Variants in TEX14 observed in about 807,000 individuals in gnomAD.
TEX14 encodes inactive serine/threonine-protein kinase TEX14.
In TEX14, 168 loss-of-function variants were observed where a neutral mutation model predicts 178.6. That is an observed-to-expected ratio of 0.94 (90% confidence interval 0.83 to 1.07). TEX14 has a LOEUF of 1.07. Ranked by LOEUF, TEX14 falls within the 50% of genes least tolerant of loss-of-function variation. TEX14 has a pLI of 0.00. For synonymous variants in TEX14, 626 were observed against 634.1 expected (o/e 0.99, Z 0.19); for missense variants, 1,730 against 1,753.6 (o/e 0.99, Z 0.24).
intron 2 of TEX14, among the ~76,000 whole-genome samples, chr17:58,635,721 C>T (rs149839178): frequency 2.0e-5 from 3 of 151,916 alleles, no homozygotes; most frequent in East Asian, 3.9e-4. Flanking sequence ...TGAGCCACTG[C>T]GCCCAGCCCA....
chr17:58,636,823 G>C (rs528929273), intron 2 of TEX14, among the ~76,000 whole-genome samples: 15 of 152,210 alleles, frequency 9.9e-5, no homozygotes, highest in Admixed American at 2.0e-4. Flanking sequence ...TGAGGCAGGA[G>C]AATTTCTTGA....
chr17:58,627,563 G>A (rs1192769497), intron 3 of TEX14, among the ~76,000 whole-genome samples: 3 of 152,072 alleles, frequency 2.0e-5, no homozygotes, highest in Non-Finnish European at 4.4e-5. Flanking sequence ...CTGAGGTCAG[G>A]AGTTTGAGAT....
At chr17:58,662,413 T>TCACACACA (rs555187857) in intron 1 of TEX14, among the ~76,000 whole-genome samples, 87 of 127,674 alleles carry the variant, frequency 6.8e-4, no homozygotes, top group Non-Finnish European at 1.2e-3. Flanking sequence ...AGCACACATA[T>TCACACACA]CTCACACACA....
chr17:58,573,324 C>T lies in TEX14; in HGVS notation c.3384-16G>A, dbSNP rs751334888. On this transcript the variant is annotated splice_polypyrimidine_tract_variant and intron_variant, in intron 22 of 31. Transcript: ENST00000349033. ...CGTCAATGATCTAAAGAATTAAGAG[C>T]ACACAGTAATGATGAGAAGATGACT... is the stretch of plus-strand genomic sequence containing the variant. 4 of 1,611,502 alleles carry T rather than the reference C, an allele frequency of 2.5e-6. No individual in the cohort carries two copies. The highest frequency in any genetic ancestry group is 3.4e-6 in the Non-Finnish European group (4 of 1,178,072).
intron 1 of TEX14, among the ~76,000 whole-genome samples, chr17:58,689,927 G>A (rs866995286): frequency 2.7e-4 from 40 of 149,336 alleles, no homozygotes; most frequent in Middle Eastern, 3.4e-3. Context: ...TAGGCTCACT[G>A]CAAGCTCCGC....
At chr17:58,574,317 A>G (rs902158825) in intron 21 of TEX14, 68 bp from the exon 22 acceptor site, 7 of 1,234,018 alleles carry the variant, frequency 5.7e-6, no homozygotes, top group African/African-American at 3.0e-5. Context: ...ACTACTTGCT[A>G]CAAGGAACCA....
chr17:58,641,480 C>T (rs1159719899), intron 2 of TEX14, among the ~76,000 whole-genome samples: 1 of 110,394 alleles, frequency 9.1e-6, no homozygotes, highest in Non-Finnish European at 1.8e-5. Context: ...TTCTTTCTTT[C>T]TCTTTTATTT....
chr17:58,659,286 C>T (rs1012260615), intron 1 of TEX14: 129 of 950,926 alleles, frequency 1.4e-4, no homozygotes, highest in Non-Finnish European at 1.5e-4. Context: ...AACAGCGTCT[C>T]TCCCCCGCCA....
intron 9 of TEX14, among the ~76,000 whole-genome samples, chr17:58,611,712 G>C (rs8066492): frequency 0.011 from 1,716 of 152,330 alleles, 21 homozygotes; most frequent in Non-Finnish European, 0.017. Flanking sequence ...AGCTGCTGGG[G>C]AGAACCTGGA....
At chr17:58,608,927 C>A (rs1053978295) in intron 10 of TEX14, among the ~76,000 whole-genome samples, 1 of 152,202 alleles carries the variant, frequency 6.6e-6, no homozygotes, top group Non-Finnish European at 1.5e-5. Flanking sequence ...CTTAGGGAGG[C>A]TTCTGCTCCC....
intron 1 of TEX14, among the ~76,000 whole-genome samples, chr17:58,688,068 T>C (rs768229217): frequency 2.6e-5 from 4 of 152,160 alleles, no homozygotes; most frequent in Non-Finnish European, 4.4e-5. Context: ...TCAAAGAAAA[T>C]AAAATATATA....
At chr17:58,667,370 A>G (rs946430268) in intron 1 of TEX14, among the ~76,000 whole-genome samples, 5 of 152,292 alleles carry the variant, frequency 3.3e-5, no homozygotes, top group African/African-American at 1.2e-4. Flanking sequence ...AGTTTTTGTG[A>G]AGACTAAAAC....
chr17:58,565,104 G>T (rs2044370707), intron 27 of TEX14, 136 bp from the exon 28 acceptor site: 1 of 467,102 alleles, frequency 2.1e-6, no homozygotes, highest in Non-Finnish European at 3.8e-6. Flanking sequence ...CTCTTCCCAG[G>T]AGAGCAGGGG....
At chr17:58,568,329 G>C (rs997223198) in intron 26 of TEX14, among the ~76,000 whole-genome samples, 1 of 152,244 alleles carries the variant, frequency 6.6e-6, no homozygotes, top group Non-Finnish European at 1.5e-5. Flanking sequence ...AGGGACAGGA[G>C]CTAAGGGTTA....
rs753406207 is a variant in TEX14 at position 58,599,644 on chromosome 17, C to G, written c.1701G>C (p.Arg567Ser). ...TCCCCTCAGTGAATAAAGAGTGAAC[C>G]CTTGGTGAATGAGGTTGACTGCCTA... ...KEMGSQPHSPRVHSLFTEGTL... is the reference protein window; with the variant it reads ...KEMGSQPHSPSVHSLFTEGTL... Residue 567 changes from arginine (R) to serine (S), a missense_variant, in exon 14 of 32, where the codon AGG becomes AGC. By Grantham distance (110) the Arg-to-Ser change is moderately radical. This residue lies in a region of TEX14 where 941 missense variants were observed against 1,072.4 expected (regional missense o/e 0.88). Coordinates refer to ENST00000349033, the MANE Select transcript of TEX14 (RefSeq NM_031272.5). 4 of 1,611,586 alleles carry G rather than the reference C, an allele frequency of 2.5e-6. No homozygotes were observed. The highest frequency in any genetic ancestry group is 2.2e-5 in the East Asian group (1 of 44,836).
intron 13 of TEX14, among the ~76,000 whole-genome samples, chr17:58,600,795 A>G (rs369380728): frequency 6.6e-6 from 1 of 152,040 alleles, no homozygotes; most frequent in Non-Finnish European, 1.5e-5. Flanking sequence ...CTGGAATTGG[A>G]AGGCCTGGGT....
At chr17:58,635,431 T>C (rs1172854715) in intron 2 of TEX14, among the ~76,000 whole-genome samples, 1 of 147,688 alleles carries the variant, frequency 6.8e-6, no homozygotes, top group African/African-American at 2.5e-5. Context: ...CTTCTCTCTT[T>C]TTTTTTTTTT....
At chr17:58,669,092 C>G (rs2143450573) in intron 1 of TEX14, among the ~76,000 whole-genome samples, 1 of 152,268 alleles carries the variant, frequency 6.6e-6, no homozygotes, top group East Asian at 1.9e-4. Context: ...TGGCTCATGC[C>G]TATAATCCCA....
Position 58,572,078 on chromosome 17 carries a change from A to C in TEX14, c.3560T>G (p.Ile1187Ser). The C allele has an allele frequency of 6.2e-7, 1 of 1,614,144 alleles. No individual in the cohort carries two copies. Among genetic ancestry groups the C allele is most frequent in the Non-Finnish European group, 8.5e-7 (1 of 1,180,002 alleles). Residue 1187 changes from isoleucine to serine, a missense_variant, in exon 24 of 32, where the codon ATC (isoleucine) becomes AGC (serine). By Grantham distance (142) the Ile-to-Ser change is moderately radical. Transcript: ENST00000349033. ...ASQYKDCLESITFQVKTEFAS... is the reference protein window; with the variant it reads ...ASQYKDCLESSTFQVKTEFAS... ...AAACTCTGTCTTAACCTGAAATGTG[A>C]TACTTTCAAGGCAGTCTTTATACTG...
Sources: allele counts gnomAD v4.1 joint callset (sites outside exome capture counted in the v4.1 genomes callset), GRCh38; gene constraint gnomAD v4.1.1; regional missense constraint gnomAD v4.1.1; transcripts MANE v1.5; gene names NCBI Gene and HGNC (gene_info 2026-07-23, HGNC 2026-07-21).